STX5: variants seen among roughly 807,000 people sequenced by gnomAD.
The protein encoded by STX5 is syntaxin 5.
Under a neutral mutation model 42.9 loss-of-function variants are expected in STX5, and 15 were observed. That is an observed-to-expected ratio of 0.35 (90% CI 0.23 to 0.54). The LOEUF (loss-of-function observed/expected upper bound fraction) is 0.54. Ranked by LOEUF, STX5 falls within the 20% of genes least tolerant of loss-of-function variation. The pLI, the probability that STX5 is intolerant of heterozygous loss-of-function variation, is 0.91. For missense variants in STX5, 430 were observed against 455.0 expected (o/e 0.95, Z 0.50); for synonymous variants, 184 against 173.2 (o/e 1.06, Z -0.49).
At chr11:62,828,805 A>G (rs2084823863) in intron 2 of STX5, among the ~76,000 whole-genome samples, 1 of 149,588 alleles carries the variant, frequency 6.7e-6, no homozygotes, top group African/African-American at 2.5e-5. Flanking sequence ...AGTGGCTCAC[A>G]CCTGTAATCC....
intron 5 of STX5, among the ~76,000 whole-genome samples, chr11:62,825,942 G>A (rs2084790671): frequency 6.6e-6 from 1 of 152,244 alleles, no homozygotes; most frequent in East Asian, 1.9e-4. Context: ...CTGTAGTTTC[G>A]AGAGGCATCA....
In STX5 at chr11:62,824,545, C is replaced by G. The variant is rs748498334; in HGVS notation, c.700G>C (p.Gly234Arg). Reference protein sequence around the residue: ...NHLGGGAVVLGAESHASKDVA... With the variant: ...NHLGGGAVVLRAESHASKDVA... ...TCCTTGGAGGCATGGGACTCTGCCCCCAGAACCACAGCACCACCGCCTGGG... is the reference window on the plus strand; with the variant it reads ...TCCTTGGAGGCATGGGACTCTGCCCGCAGAACCACAGCACCACCGCCTGGG... The change falls in exon 9 of 11, where the codon GGG (glycine) becomes CGG (arginine). Residue 234 changes from glycine to arginine, a missense_variant. Coordinates refer to ENST00000294179, the MANE Select transcript of STX5 (RefSeq NM_003164.5). The G allele has an allele frequency of 2.5e-6, 4 of 1,614,122 alleles. No homozygotes were observed. The highest frequency in any genetic ancestry group is 1.7e-5 in the Admixed American group (1 of 60,010).
At chr11:62,811,314 T>C (rs1184178527) in intron 10 of STX5, among the ~76,000 whole-genome samples, 1 of 152,184 alleles carries the variant, frequency 6.6e-6, no homozygotes. Flanking sequence ...TCCCATGAAG[T>C]CTGAGGCACT....
chr11:62,810,103 C>CAA (rs11405544), intron 10 of STX5, among the ~76,000 whole-genome samples: 1,236 of 97,132 alleles, frequency 0.013, 15 homozygotes, highest in South Asian at 0.025. Flanking sequence ...GACTCCATCT[C>CAA]AAAAAAAAAA....
At chr11:62,817,302 A>G (rs1231695161) in intron 10 of STX5, among the ~76,000 whole-genome samples, 2 of 152,250 alleles carry the variant, frequency 1.3e-5, no homozygotes, top group African/African-American at 4.8e-5. Flanking sequence ...AAAGTCACCA[A>G]CAATATCTAC....
intron 2 of STX5, chr11:62,830,247 G>A: frequency 5.4e-6 from 1 of 186,792 alleles, no homozygotes; most frequent in Non-Finnish European, 1.2e-5. Flanking sequence ...GTCATCCTCT[G>A]GCCTAGGCCT....
chr11:62,819,523 T>A (rs1276632503), intron 10 of STX5, among the ~76,000 whole-genome samples: 2 of 151,950 alleles, frequency 1.3e-5, no homozygotes, highest in Non-Finnish European at 2.9e-5. Context: ...AACTTTTTAA[T>A]ACTTTTTTTT....
intron 5 of STX5, among the ~76,000 whole-genome samples, chr11:62,826,125 G>A (rs757292737): frequency 9.2e-5 from 14 of 152,068 alleles, no homozygotes; most frequent in East Asian, 3.9e-4. Context: ...GTGGTGGCGC[G>A]CGCCTATAAT....
At chr11:62,828,161 T>C (rs1242227865) in intron 2 of STX5, among the ~76,000 whole-genome samples, 1 of 151,600 alleles carries the variant, frequency 6.6e-6, no homozygotes. Context: ...GTCTCCCAGG[T>C]TGGAATATAG....
intron 2 of STX5, among the ~76,000 whole-genome samples, 190 bp from the exon 3 acceptor site, chr11:62,827,821 C>T (rs952133705): frequency 6.6e-6 from 1 of 152,022 alleles, no homozygotes; most frequent in African/African-American, 2.4e-5. Context: ...AATCTTGACT[C>T]ACCACTTACT....
At chr11:62,830,384 G>A (rs1249375660) in intron 2 of STX5, 1 of 369,616 alleles carries the variant, frequency 2.7e-6, no homozygotes, top group Non-Finnish European at 5.4e-6. Flanking sequence ...GACACTGCCT[G>A]TACGAAAAAA....
intron 10 of STX5, 148 bp downstream of exon 10, chr11:62,824,018 G>T: frequency 7.7e-7 from 1 of 1,304,508 alleles, no homozygotes. Context: ...AACTTGTTGG[G>T]TGGATGGAAG....
At chr11:62,817,421 A>G (rs764204006) in intron 10 of STX5, among the ~76,000 whole-genome samples, 4 of 152,222 alleles carry the variant, frequency 2.6e-5, no homozygotes, top group Non-Finnish European at 5.9e-5. Context: ...ACCACAGAGG[A>G]AATATAAAAA....
At chr11:62,827,065 T>A (rs944694140) in intron 5 of STX5, 90 bp downstream of exon 5, 2 of 1,276,694 alleles carry the variant, frequency 1.6e-6, no homozygotes, top group Non-Finnish European at 1.1e-6. Context: ...AAAAGAAACT[T>A]GCTCTGGGTC....
chr11:62,810,103 CAAAAAAAAA>C (rs11405544), intron 10 of STX5, among the ~76,000 whole-genome samples: 3 of 97,616 alleles, frequency 3.1e-5, no homozygotes, highest in Non-Finnish European at 6.0e-5. Flanking sequence ...GACTCCATCT[CAAAAAAAAA>C]AAAAAAAAAG....
chr11:62,809,307 A>C (rs1391283156), intron 10 of STX5, among the ~76,000 whole-genome samples: 3 of 150,674 alleles, frequency 2.0e-5, no homozygotes, highest in African/African-American at 7.3e-5. Flanking sequence ...AAAAAAAAAA[A>C]ATCAGATGGG....
At chr11:62,824,084 CA>C (rs1210954017) in intron 10 of STX5, 81 bp downstream of exon 10, 18 of 1,595,184 alleles carry the variant, frequency 1.1e-5, no homozygotes, top group Middle Eastern at 3.3e-4. Flanking sequence ...CAAAAGGCAT[CA>C]AGCAGTCCCT....
chr11:62,831,665 C>T (rs772598762), intron 1 of STX5, among the ~76,000 whole-genome samples: 3 of 152,160 alleles, frequency 2.0e-5, no homozygotes, highest in Non-Finnish European at 2.9e-5. Flanking sequence ...TGACACACTT[C>T]GGTGGGCGGA....
At chr11:62,831,549 G>C (rs556885665) in intron 1 of STX5, among the ~76,000 whole-genome samples, 1 of 152,088 alleles carries the variant, frequency 6.6e-6, no homozygotes, top group Non-Finnish European at 1.5e-5. Context: ...GTGGTCCTGA[G>C]ACTCCGGCCC....
Sources: allele counts gnomAD v4.1 joint callset (sites outside exome capture counted in the v4.1 genomes callset), GRCh38; gene constraint gnomAD v4.1.1; transcripts MANE v1.5; gene names NCBI Gene and HGNC (gene_info 2026-07-23, HGNC 2026-07-21).